CDKL4: variants seen among roughly 807,000 people sequenced by gnomAD.
CDKL4 encodes the protein cyclin dependent kinase like 4, also known as cyclin-dependent kinase-like 4.
In CDKL4, 44 loss-of-function variants were observed where a neutral mutation model predicts 42.0. The observed-to-expected ratio is 1.05, with a 90% CI of 0.82 to 1.35. CDKL4 has a LOEUF of 1.35. Ranked by LOEUF, CDKL4 falls within the 40% of genes most tolerant of loss-of-function variation. The pLI is 0.00. For synonymous variants in CDKL4, 120 were observed against 121.6 expected, an observed-to-expected ratio of 0.99 and a Z score of 0.09; for missense variants, 393 against 369.9, an observed-to-expected ratio of 1.06 and a Z score of -0.51.
At chr2:39,179,213 C>T (rs747364809) in exon 9 of CDKL4, 2 of 1,611,776 alleles carry the variant, frequency 1.2e-6, no homozygotes, top group Admixed American at 3.4e-5. Context: ...TTTCTTCCTT[C>T]ATTACGTGCT....
chr2:39,228,559 T>C (rs977663852), intron 2 of CDKL4, among the ~76,000 whole-genome samples: 2 of 152,204 alleles, frequency 1.3e-5, no homozygotes, highest in Non-Finnish European at 2.9e-5. Context: ...TGTCACATAA[T>C]GTGTAGCCCA....
At chr2:39,210,872 A>G (rs1300852344) in intron 4 of CDKL4, among the ~76,000 whole-genome samples, 2 of 152,254 alleles carry the variant, frequency 1.3e-5, no homozygotes, top group African/African-American at 4.8e-5. Context: ...CTACATTAAT[A>G]GAAAATAAAA....
intron 5 of CDKL4, among the ~76,000 whole-genome samples, chr2:39,198,003 T>C (rs940639470): frequency 1.3e-5 from 2 of 152,084 alleles, no homozygotes; most frequent in African/African-American, 4.8e-5. Context: ...TGATGTTGGA[T>C]GTAAATGGCT....
intron 4 of CDKL4, among the ~76,000 whole-genome samples, chr2:39,209,985 T>A: frequency 6.6e-6 from 1 of 152,118 alleles, no homozygotes; most frequent in South Asian, 2.1e-4. Context: ...GGGAAGTTAG[T>A]CTGAAAAATT....
chr2:39,181,061 G>C (rs1171868078), intron 8 of CDKL4, among the ~76,000 whole-genome samples: 7 of 152,142 alleles, frequency 4.6e-5, no homozygotes, highest in Non-Finnish European at 7.4e-5. Flanking sequence ...TGCTTCCACT[G>C]TTCCATTAAA....
chr2:39,238,257 C>G (rs1573035467), intron 1 of CDKL4, among the ~76,000 whole-genome samples: 1 of 152,152 alleles, frequency 6.6e-6, no homozygotes, highest in East Asian at 1.9e-4. Context: ...ATAGTGAGAC[C>G]CTATCTCTAA....
intron 4 of CDKL4, among the ~76,000 whole-genome samples, chr2:39,212,648 C>T (rs1677660407): frequency 1.3e-5 from 2 of 151,850 alleles, no homozygotes; most frequent in South Asian, 4.2e-4. Context: ...ATTACATCAG[C>T]AATATCCTGA....
intron 3 of CDKL4, among the ~76,000 whole-genome samples, chr2:39,224,803 T>C (rs1231476140): frequency 1.3e-5 from 2 of 152,064 alleles, no homozygotes; most frequent in African/African-American, 4.8e-5. Flanking sequence ...CTCTGTTAGA[T>C]TTTCTAAAGT....
chr2:39,218,503 C>T (rs533380792), intron 3 of CDKL4, among the ~76,000 whole-genome samples: 2 of 151,748 alleles, frequency 1.3e-5, no homozygotes, highest in South Asian at 4.2e-4. Context: ...TCTCAAAAAA[C>T]AAAAAAAACC....
intron 3 of CDKL4, among the ~76,000 whole-genome samples, chr2:39,217,001 G>C (rs111367281): frequency 0.012 from 1,772 of 152,254 alleles, 13 homozygotes; most frequent in Middle Eastern, 0.031. Context: ...GCAAAGAGAA[G>C]ATAGCCATCA....
At chr2:39,174,516 A>G (rs1486556808), downstream of CDKL4, among the ~76,000 whole-genome samples, 1 of 152,170 alleles carries the variant, frequency 6.6e-6, no homozygotes, top group African/African-American at 2.4e-5. Context: ...ATGTGTTTCT[A>G]AGTGCGGAAG....
At chr2:39,182,182 G>A (rs1399444480) in intron 8 of CDKL4, among the ~76,000 whole-genome samples, 1 of 151,920 alleles carries the variant, frequency 6.6e-6, no homozygotes, top group Non-Finnish European at 1.5e-5. Context: ...GTAGAGACAG[G>A]GTCTGACTTT....
the CDKL4 span, among the ~76,000 whole-genome samples, chr2:39,169,825 G>C: frequency 2.6e-5 from 4 of 151,948 alleles, no homozygotes; most frequent in Non-Finnish European, 4.4e-5. Context: ...TTGAGACAGG[G>C]TCTCACTCTG....
intron 3 of CDKL4, among the ~76,000 whole-genome samples, chr2:39,219,360 T>C (rs1378606712): frequency 6.6e-6 from 1 of 152,214 alleles, no homozygotes; most frequent in Non-Finnish European, 1.5e-5. Context: ...TTACCATTAA[T>C]GGCTGGGATG....
intron 3 of CDKL4, 86 bp from the exon 4 acceptor site, chr2:39,213,558 G>T: frequency 1.2e-6 from 1 of 809,794 alleles, no homozygotes. Flanking sequence ...GAGTGGTGAG[G>T]GACTGTCCTC....
intron 4 of CDKL4, among the ~76,000 whole-genome samples, chr2:39,211,381 G>A (rs769134390): frequency 6.6e-6 from 1 of 152,106 alleles, no homozygotes; most frequent in Admixed American, 6.6e-5. Flanking sequence ...GAGCGAGACT[G>A]TCCCAAAAAT....
the CDKL4 span, among the ~76,000 whole-genome samples, chr2:39,168,195 T>G: frequency 1.3e-5 from 2 of 152,054 alleles, no homozygotes; most frequent in African/African-American, 4.8e-5. Context: ...AGGCTAATTA[T>G]CAATGTTAAC....
At chr2:39,234,846 G>C (rs954728234) in intron 1 of CDKL4, among the ~76,000 whole-genome samples, 1 of 151,878 alleles carries the variant, frequency 6.6e-6, no homozygotes, top group East Asian at 1.9e-4. Flanking sequence ...ATTCAGCCAA[G>C]GTGTGTCCTT....
exon 10 of CDKL4, chr2:39,175,658 A>G (rs1214982443): frequency 5.6e-6 from 1 of 178,610 alleles, no homozygotes; most frequent in Non-Finnish European, 1.2e-5. Context: ...GGTCAGCTGA[A>G]GCAAGATGAC....
Sources: allele counts gnomAD v4.1 joint callset (sites outside exome capture counted in the v4.1 genomes callset), GRCh38; gene constraint gnomAD v4.1.1; transcripts MANE v1.5; gene names NCBI Gene and HGNC (gene_info 2026-07-23, HGNC 2026-07-21).